Variants in USP48 observed in about 807,000 individuals in gnomAD.
USP48 encodes ubiquitin carboxyl-terminal hydrolase 48.
In USP48, 43 loss-of-function variants were observed where a neutral mutation model predicts 150.7. The observed-to-expected ratio is 0.29, with a 90% CI of 0.22 to 0.37. The LOEUF (loss-of-function observed/expected upper bound fraction) is 0.37. USP48 is among the 10% of genes least tolerant of loss of function. The pLI, the probability that USP48 is intolerant of heterozygous loss-of-function variation, is 1.00. For missense variants in USP48, 813 were observed against 1,249.6 expected (o/e 0.65, Z 5.27); for synonymous variants, 396 against 425.9 (o/e 0.93, Z 0.86).
chr1:21,763,386 C>T (rs750534195), intron 1 of USP48, among the ~76,000 whole-genome samples: 3 of 152,128 alleles, frequency 2.0e-5, no homozygotes, highest in Admixed American at 6.6e-5. Flanking sequence ...AAGCCAATGG[C>T]GGTGCTTTGC....
At chr1:21,736,374 T>A in intron 9 of USP48, 72 bp downstream of exon 9, 1 of 1,394,636 alleles carries the variant, frequency 7.2e-7, no homozygotes, top group Non-Finnish European at 9.7e-7. Flanking sequence ...TGAGCCATAA[T>A]AATTTATCAC....
At position 21,728,673 on chromosome 1, in the gene USP48, C is replaced by A; in HGVS notation, c.1347G>T (p.Glu449Asp). The change falls in exon 11 of 27, where the codon GAG (glutamate) becomes GAT (aspartate). Residue 449 changes from glutamate to aspartate, a missense_variant. Transcript: ENST00000308271. ...GCATCTCAGCCATTTCAATACACCA[C>A]TCCTCAAATTTGGAATTATCCCGAT... ...LVDRDNSKFE[E>D]WCIEMAEMRK... 1 of 1,614,206 alleles carries A rather than the reference C, an allele frequency of 6.2e-7. No homozygotes were observed. The highest frequency in any genetic ancestry group is 8.5e-7 in the Non-Finnish European group (1 of 1,180,036).
intron 4 of USP48, 92 bp downstream of exon 4, chr1:21,752,900 A>C: frequency 6.9e-7 from 1 of 1,442,414 alleles, no homozygotes; most frequent in Non-Finnish European, 9.1e-7. Flanking sequence ...TTAATTTTTA[A>C]AAAGCATTCT....
chr1:21,690,516 CTT>C (rs956547585), intron 23 of USP48, among the ~76,000 whole-genome samples: 1 of 150,700 alleles, frequency 6.6e-6, no homozygotes, highest in Non-Finnish European at 1.5e-5. Flanking sequence ...TTTCTTTTTT[CTT>C]TTTCTTTTTT....
intron 1 of USP48, 29 bp downstream of exon 1, chr1:21,782,795 G>C: frequency 1.3e-6 from 2 of 1,506,984 alleles, no homozygotes; most frequent in Non-Finnish European, 1.8e-6. Context: ...GGCGCGAGGA[G>C]CCCGCGAGGC....
At chr1:21,756,025 C>G (rs961141573) in intron 3 of USP48, among the ~76,000 whole-genome samples, 1 of 151,534 alleles carries the variant, frequency 6.6e-6, no homozygotes, top group Non-Finnish European at 1.5e-5. Context: ...ATTAGCCGGG[C>G]GTGGTGGTGC....
At chr1:21,753,255 A>G in intron 3 of USP48, 136 bp from the exon 4 acceptor site, 1 of 1,003,340 alleles carries the variant, frequency 1.0e-6, no homozygotes, top group Non-Finnish European at 1.4e-6. Flanking sequence ...TCATTTTAAA[A>G]CTTTAAAAGA....
At chr1:21,781,528 G>A (rs2097914494) in intron 1 of USP48, among the ~76,000 whole-genome samples, 1 of 152,176 alleles carries the variant, frequency 6.6e-6, no homozygotes, top group Non-Finnish European at 1.5e-5. Flanking sequence ...TGAGCCCAGA[G>A]CTCGAGACCA....
At chr1:21,680,770 C>G in intron 26 of USP48, 38 bp downstream of exon 26, 1 of 1,558,780 alleles carries the variant, frequency 6.4e-7, no homozygotes, top group Non-Finnish European at 8.6e-7. Flanking sequence ...CAGGATGACT[C>G]TGACATTCAT....
Position 21,783,134 on chromosome 1 carries a change from C to A in USP48, c.-177G>T, listed in dbSNP as rs912035168. The A allele has an allele frequency of 1.0e-6, 1 of 990,566 alleles. No homozygotes were observed. Among genetic ancestry groups the A allele is most frequent in the South Asian group, 2.6e-5 (1 of 38,476 alleles). 61.4% of individuals were successfully genotyped at this position (990,566 alleles called of 1,614,324 possible). On this transcript the variant is annotated 5_prime_UTR_variant, in exon 1 of 27. Coordinates refer to ENST00000308271, the MANE Select transcript of USP48 (RefSeq NM_032236.8). ...GCCGCCGCGCCCGCCCGCGCCCGAC[C>A]CGCACGACCGGCCGCAAAGCGCCGC... is the stretch of plus-strand genomic sequence containing the variant.
intron 12 of USP48, among the ~76,000 whole-genome samples, chr1:21,722,052 A>T (rs574787431): frequency 8.5e-5 from 13 of 152,170 alleles, no homozygotes; most frequent in Non-Finnish European, 1.8e-4. Flanking sequence ...TTACAAGATG[A>T]TAATCAAATC....
chr1:21,757,417 T>C (rs566807450), intron 2 of USP48: 19 of 330,890 alleles, frequency 5.7e-5, no homozygotes, highest in East Asian at 2.5e-4. Context: ...AAAGCAAACA[T>C]AGAATCAGCA....
At position 21,691,952 on chromosome 1, in the gene USP48, C is replaced by T. The variant is rs554867816; in HGVS notation, c.2884-1853G>A. Among the ~76,000 whole-genome samples, 7 of 152,240 alleles carry T rather than the reference C, an allele frequency of 4.6e-5. No homozygotes were observed. The South Asian group carries it at 1.4e-3, about 32-fold the overall frequency. On this transcript the variant is annotated intron_variant, in intron 23 of 26. Coordinates refer to ENST00000308271, the MANE Select transcript of USP48 (RefSeq NM_032236.8). ...CATGGGAAAACCATTCTGCCCTTTCCTGCACTCTATTCTTTGGATGTGGAA... is the reference window on the plus strand; with the variant it reads ...CATGGGAAAACCATTCTGCCCTTTCTTGCACTCTATTCTTTGGATGTGGAA...
chr1:21,774,983 T>G (rs2097893824), intron 1 of USP48, among the ~76,000 whole-genome samples: 1 of 140,450 alleles, frequency 7.1e-6, no homozygotes, highest in South Asian at 2.4e-4. Context: ...AAAGCTAGAC[T>G]CTCTCAAAAA....
At chr1:21,701,365 CA>C (rs35780642) in intron 22 of USP48, 132 bp downstream of exon 22, 51,171 of 402,738 alleles carry the variant, frequency 0.13, no homozygotes, top group East Asian at 0.2. Flanking sequence ...GACTCCATCT[CA>C]AAAAAAAAAA....
At chr1:21,681,703 G>A (rs1231295279) in intron 25 of USP48, among the ~76,000 whole-genome samples, 1 of 152,174 alleles carries the variant, frequency 6.6e-6, no homozygotes, top group Non-Finnish European at 1.5e-5. Context: ...CTCCAGCGCT[G>A]GCATTACTTT....
chr1:21,683,548 CTCT>C (rs1056711836), intron 25 of USP48, among the ~76,000 whole-genome samples: 3 of 152,096 alleles, frequency 2.0e-5, no homozygotes, highest in Admixed American at 6.5e-5. Context: ...CCATGCCTGG[CTCT>C]TTTTTTAAAA....
chr1:21,756,424 T>A, intron 3 of USP48, 122 bp downstream of exon 3: 2 of 1,210,490 alleles, frequency 1.7e-6, no homozygotes, highest in Non-Finnish European at 2.3e-6. Flanking sequence ...GACGTTGCAG[T>A]GAACCGAGAT....
chr1:21,694,601 A>AAACAAAC (rs2097619022), intron 23 of USP48, among the ~76,000 whole-genome samples: 1 of 70,042 alleles, frequency 1.4e-5, no homozygotes, highest in African/African-American at 4.6e-5. Context: ...AAAAAAAAAA[A>AAACAAAC]AAAAAACCCC....
Sources: allele counts gnomAD v4.1 joint callset (sites outside exome capture counted in the v4.1 genomes callset), GRCh38; gene constraint gnomAD v4.1.1; transcripts MANE v1.5; gene names NCBI Gene and HGNC (gene_info 2026-07-23, HGNC 2026-07-21).